The following TRPM2 variants were observed in gnomAD, a reference collection of about 807,000 sequenced individuals.
The protein encoded by TRPM2 is transient receptor potential cation channel subfamily M member 2, also known as estrogen-responsive element-associated gene 1 protein.
Under a neutral mutation model 174.0 loss-of-function variants are expected in TRPM2, and 161 were observed. The ratio of observed to expected loss-of-function variants is 0.93; its 90% CI spans 0.81 to 1.05. TRPM2 has a LOEUF of 1.05. Among genes scored for constraint, TRPM2 ranks in the 50% least tolerant of loss-of-function variants. The pLI is 0.00. For missense variants in TRPM2, 2,057 were observed against 2,038.0 expected, an observed-to-expected ratio of 1.01 and a Z score of -0.18; for synonymous variants, 954 against 861.3, an observed-to-expected ratio of 1.11 and a Z score of -1.88.
At chr21:44,417,831 C>G (rs533783829) in intron 20 of TRPM2, 96 bp from the exon 21 acceptor site, 2 of 1,341,616 alleles carry the variant, frequency 1.5e-6, no homozygotes, top group African/African-American at 2.9e-5. Flanking sequence ...CGTGGCTCTG[C>G]TCTCTGTGGC....
chr21:44,422,352 C>T (rs755693446), intron 22 of TRPM2: 18 of 1,535,984 alleles, frequency 1.2e-5, no homozygotes, highest in South Asian at 8.3e-5. Context: ...GGTGGAATCA[C>T]GCGGGTCCGA....
At chr21:44,435,312 G>T in intron 28 of TRPM2, 95 bp downstream of exon 28, 1 of 1,400,316 alleles carries the variant, frequency 7.1e-7, no homozygotes, top group East Asian at 2.4e-5. Flanking sequence ...CAGGGGCCGG[G>T]AGGGCGGCTT....
intron 13 of TRPM2, among the ~76,000 whole-genome samples, chr21:44,398,960 C>T (rs549374245): frequency 1.5e-4 from 23 of 152,222 alleles, no homozygotes; most frequent in African/African-American, 5.1e-4. Flanking sequence ...AAACTATAAA[C>T]GAAGTTCCTC....
At chr21:44,402,707 CG>C (rs1249328137) in intron 16 of TRPM2, among the ~76,000 whole-genome samples, 1 of 152,184 alleles carries the variant, frequency 6.6e-6, no homozygotes, top group African/African-American at 2.4e-5. Context: ...TGGAGCTGGG[CG>C]AGGCCAAGCT....
chr21:44,429,285 T>C (rs561582079), intron 27 of TRPM2, among the ~76,000 whole-genome samples: 54 of 137,586 alleles, frequency 3.9e-4, no homozygotes, highest in East Asian at 1.2e-3. Context: ...TTTCTTTTTT[T>C]TTTTTTTTTT....
At chr21:44,374,038 C>G (rs1331942784) in intron 5 of TRPM2, among the ~76,000 whole-genome samples, 2 of 150,896 alleles carry the variant, frequency 1.3e-5, no homozygotes, top group African/African-American at 2.4e-5. Flanking sequence ...TGAGATGGAG[C>G]CTTGCTCTTT....
chr21:44,398,280 A>C (rs947570176), intron 13 of TRPM2, among the ~76,000 whole-genome samples: 1 of 149,404 alleles, frequency 6.7e-6, no homozygotes, highest in East Asian at 2.0e-4. Context: ...GGCTCACTAC[A>C]CCCTCTGCCC....
chr21:44,401,886 G>A lies in TRPM2; in HGVS notation c.2527G>A (p.Glu843Lys). The A allele has an allele frequency of 6.2e-7, 1 of 1,613,714 alleles. No homozygotes were observed. Among genetic ancestry groups the A allele is most frequent in the Non-Finnish European group, 8.5e-7 (1 of 1,179,972 alleles). Reference sequence around the variant, plus strand: ...CTGGCTCTTCTCCTTGGTGTGCGAGGAGATGCGGCAGGTACAGCCCCACCC... The same window carrying A: ...CTGGCTCTTCTCCTTGGTGTGCGAGAAGATGCGGCAGGTACAGCCCCACCC... ...YLWLFSLVCE[E>K]MRQLFYDPDE... The change falls in exon 16 of 32, where the codon GAG becomes AAG. Residue 843 changes from glutamate to lysine, a missense_variant. Transcript: ENST00000397928.
chr21:44,403,362 G>A (rs959397852), intron 16 of TRPM2, among the ~76,000 whole-genome samples: 7 of 152,200 alleles, frequency 4.6e-5, no homozygotes, highest in Non-Finnish European at 1.0e-4. Context: ...GCCAGGTCCT[G>A]CACTCTTGGC....
At chr21:44,407,220 T>A (rs957713341) in intron 19 of TRPM2, among the ~76,000 whole-genome samples, 1 of 75,778 alleles carries the variant, frequency 1.3e-5, no homozygotes, top group Non-Finnish European at 2.6e-5. Flanking sequence ...GTCCACCTCC[T>A]GCGCTCAAGT....
At chr21:44,435,770 T>C (rs201602531) in intron 28 of TRPM2, among the ~76,000 whole-genome samples, 870 of 26,982 alleles carry the variant, frequency 0.032, 22 homozygotes, top group African/African-American at 0.093. Flanking sequence ...CACCCATCCA[T>C]GGGGACACAG....
In TRPM2 at chr21:44,382,734, G is replaced by A. The variant is rs747032807; in HGVS notation, c.1232G>A (p.Arg411Gln). ...EWTKKIQDIV[R>Q]RRQLLTVFRE... is the part of the protein sequence containing the mutation. ...TTGTTGCAGATCCAAGATATCGTCC[G>A]GAGGCGGCAGCTGCTGACTGTCTTC... is the stretch of plus-strand genomic sequence containing the variant. Residue 411 changes from arginine to glutamine, a missense_variant, in exon 9 of 32, where the codon CGG (arginine) becomes CAG (glutamine). Physicochemically the swap from Arg to Gln is conservative, Grantham distance 43. Transcript: ENST00000397928. The A allele has an allele frequency of 3.0e-5, 49 of 1,613,944 alleles. No homozygotes were observed. Among genetic ancestry groups the A allele is most frequent in the Non-Finnish European group, 3.5e-5 (41 of 1,179,980 alleles).
chr21:44,397,258 C>T (rs1322568902), intron 12 of TRPM2, among the ~76,000 whole-genome samples: 2 of 152,072 alleles, frequency 1.3e-5, no homozygotes, highest in Admixed American at 6.5e-5. Context: ...AGGCTGGTCT[C>T]GAACTCCTGA....
chr21:44,401,964 G>A, intron 16 of TRPM2, 67 bp downstream of exon 16: 2 of 1,574,350 alleles, frequency 1.3e-6, no homozygotes, highest in Non-Finnish European at 1.7e-6. Context: ...TCTCATAGGG[G>A]ACCCATGGCT....
rs775450744 is a variant in TRPM2 at position 44,425,790 on chromosome 21, C to T, written c.3758C>T (p.Thr1253Met). ...CTCCTCTACCCCAACTGCCCTGTCA[C>T]GCGCTTCCCCGTGCCCAACGAGAAG... ...RHLLYPNCPVTRFPVPNEKVP... is the reference protein window; with the variant it reads ...RHLLYPNCPVMRFPVPNEKVP... Residue 1253 changes from threonine to methionine, a missense_variant, in exon 25 of 32, where the codon ACG (threonine) becomes ATG (methionine). Physicochemically the swap from Thr to Met is moderately conservative, Grantham distance 81. Coordinates refer to ENST00000397928, the MANE Select transcript of TRPM2 (RefSeq NM_003307.4). 25 of 1,585,944 alleles carry T rather than the reference C, an allele frequency of 1.6e-5. No individual in the cohort carries two copies. The highest frequency in any genetic ancestry group is 1.1e-4 in the East Asian group (5 of 43,978).
rs2049524198 is a variant in TRPM2 at position 44,399,116 on chromosome 21, G to T, written c.2063-180G>T. Among the ~76,000 whole-genome samples the T allele has an allele frequency of 6.6e-6, 1 of 152,054 alleles. No individual in the cohort carries two copies. Among genetic ancestry groups the T allele is most frequent in the South Asian group, 2.1e-4 (1 of 4,822 alleles). On this transcript the variant is annotated intron_variant, in intron 13 of 31. Coordinates refer to ENST00000397928, the MANE Select transcript of TRPM2 (RefSeq NM_003307.4). The surrounding 1 kb of genome is among the most constrained non-coding windows in gnomAD (Gnocchi z 4.6). ...TGTAGAGGCAGTTCCAGCCCTACGT[G>T]CCCTCTCCCTGGGGTCCTCGTCCCT... is the stretch of plus-strand genomic sequence containing the variant.
chr21:44,366,655 C>T lies in TRPM2; in HGVS notation c.424-99C>T. ...TCTGAGCCGGAAAGGTGTGCGGTGT[C>T]TGCCGCCCGCTGGGGCCTCTCTGCA... is the stretch of plus-strand genomic sequence containing the variant. On this transcript the variant is annotated intron_variant, in intron 3 of 31. Coordinates refer to ENST00000397928, the MANE Select transcript of TRPM2 (RefSeq NM_003307.4). The surrounding 1 kb of genome is among the most constrained non-coding windows in gnomAD (Gnocchi z 6.0). 1.3e-6 allele frequency: 2 copies of T among 1,543,820 alleles called. No individual in the cohort carries two copies. The highest frequency in any genetic ancestry group is 2.3e-4 in the Middle Eastern group (1 of 4,336).
chr21:44,402,680 C>G (rs1408244856), intron 16 of TRPM2, among the ~76,000 whole-genome samples: 1 of 152,226 alleles, frequency 6.6e-6, no homozygotes, highest in East Asian at 1.9e-4. Context: ...ATTCCAAGGG[C>G]TCAGAGGCTA....
chr21:44,404,433 A>G (rs1394122583), intron 16 of TRPM2, among the ~76,000 whole-genome samples: 2 of 152,228 alleles, frequency 1.3e-5, no homozygotes, highest in Non-Finnish European at 1.5e-5. Flanking sequence ...ACATACATGC[A>G]GAATATATGT....
Sources: gnomAD v4.1 joint callset for allele counts (sites outside exome capture counted in the v4.1 genomes callset) on GRCh38, gnomAD v4.1.1 for gene constraint, Gnocchi (gnomAD v3.1) non-coding constraint, MANE v1.5 for transcripts, NCBI Gene and HGNC (gene_info 2026-07-23, HGNC 2026-07-21) for gene names.